C1orf198: variants seen among roughly 807,000 people sequenced by gnomAD.
C1orf198 encodes the protein uncharacterized protein C1orf198.
A neutral mutation model predicts 31.4 loss-of-function variants in C1orf198; 17 were observed. That is an observed-to-expected ratio of 0.54 (90% CI 0.37 to 0.81). The LOEUF (loss-of-function observed/expected upper bound fraction) is 0.81, where lower values mean the gene tolerates loss of function less well. Ranked by LOEUF, C1orf198 falls within the 40% of genes least tolerant of loss-of-function variation. C1orf198 has a pLI of 0.00. For synonymous variants in C1orf198, 175 were observed against 193.8 expected (o/e 0.90, Z 0.81); for missense variants, 401 against 450.3 (o/e 0.89, Z 0.99).
chr1:230,866,135 A>G (rs756714362), intron 1 of C1orf198, among the ~76,000 whole-genome samples: 5 of 152,224 alleles, frequency 3.3e-5, no homozygotes, highest in Non-Finnish European at 7.3e-5. Flanking sequence ...GCCCTCCTCC[A>G]TGAATGATCT....
chr1:230,858,517 C>G (rs765766152), intron 1 of C1orf198, among the ~76,000 whole-genome samples: 2 of 152,176 alleles, frequency 1.3e-5, no homozygotes, highest in Non-Finnish European at 2.9e-5. Flanking sequence ...GGAGGAAGAA[C>G]CGGCCATCCA....
chr1:230,845,852 A>G (rs932514800), intron 2 of C1orf198, among the ~76,000 whole-genome samples: 42 of 152,156 alleles, frequency 2.8e-4, no homozygotes, highest in Admixed American at 6.5e-5. Context: ...TTTCTATGTA[A>G]CCATTTTCAT....
At position 230,843,303 on chromosome 1, in the gene C1orf198, G is replaced by T. The variant is rs139054283; in HGVS notation, c.927+51C>A. The T allele has an allele frequency of 6.5e-7, 1 of 1,534,354 alleles. No homozygotes were observed. The highest frequency in any genetic ancestry group is 8.8e-7 in the Non-Finnish European group (1 of 1,137,882). ...TTTGTGGGGGACCCTCTCGGTTCCCGTGGAATAAGGCACCATCCCATCTGA... is the reference window on the plus strand; with the variant it reads ...TTTGTGGGGGACCCTCTCGGTTCCCTTGGAATAAGGCACCATCCCATCTGA... On this transcript the variant is annotated intron_variant, in intron 3 of 3. Coordinates refer to ENST00000366663, the MANE Select transcript of C1orf198 (RefSeq NM_032800.3). The surrounding 1 kb of genome is among the most constrained non-coding windows in gnomAD (Gnocchi z 4.9).
intron 1 of C1orf198, among the ~76,000 whole-genome samples, chr1:230,864,919 G>A (rs187539133): frequency 2.6e-5 from 4 of 152,224 alleles, no homozygotes; most frequent in Non-Finnish European, 4.4e-5. Context: ...AAGCAAACAG[G>A]GTGATCCCTC....
In C1orf198 at chr1:230,843,933, G is replaced by C; in HGVS notation, c.385-37C>G. On this transcript the variant is annotated intron_variant, in intron 2 of 3. Coordinates refer to ENST00000366663, the MANE Select transcript of C1orf198 (RefSeq NM_032800.3). This position sits in a 1 kb window ranked among gnomAD's most constrained non-coding sequence, Gnocchi z 4.9. The stretch of plus-strand genomic sequence containing the variant: ...CATGAGAAAGGACAGAAAAAAGAAA[G>C]AGATCCTGAGAATCGACCGTCACAA... 1 of 1,492,392 alleles carries C rather than the reference G, an allele frequency of 6.7e-7. No homozygotes were observed. Among genetic ancestry groups the C allele is most frequent in the Non-Finnish European group, 8.9e-7 (1 of 1,126,598 alleles). The allele number at this position is 1,492,392 out of a possible 1,614,324, so 92.4% of individuals were successfully genotyped here.
chr1:230,845,689 AT>A (rs112765722), intron 2 of C1orf198, among the ~76,000 whole-genome samples: 11,286 of 151,878 alleles, frequency 0.074, 1,335 homozygotes, highest in African/African-American at 0.26. Flanking sequence ...ATTTCAAAAA[AT>A]AAAAGAAAAG....
chr1:230,862,214 G>T (rs944562302), intron 1 of C1orf198, among the ~76,000 whole-genome samples: 1 of 152,312 alleles, frequency 6.6e-6, no homozygotes, highest in Admixed American at 6.5e-5. Flanking sequence ...TGACAACACT[G>T]GTTGTTGTCA....
chr1:230,850,538 G>A (rs905313584), intron 2 of C1orf198, among the ~76,000 whole-genome samples: 3 of 152,202 alleles, frequency 2.0e-5, no homozygotes, highest in African/African-American at 7.2e-5. Flanking sequence ...AACAGAGCCT[G>A]TGGGATGGCA....
intron 1 of C1orf198, among the ~76,000 whole-genome samples, chr1:230,861,859 G>A (rs944614225): frequency 6.6e-6 from 1 of 152,174 alleles, no homozygotes; most frequent in Non-Finnish European, 1.5e-5. Context: ...CTTGGAACAC[G>A]GCAACACGCG....
Position 230,857,650 on chromosome 1 carries a change from G to A in C1orf198, c.334-1932C>T, listed in dbSNP as rs1367246667. 6.6e-6 allele frequency among the ~76,000 whole-genome samples: 1 copy of A among 152,188 alleles called. No homozygotes were observed. Among genetic ancestry groups the A allele is most frequent in the Non-Finnish European group, 1.5e-5 (1 of 68,046 alleles). On this transcript the variant is annotated intron_variant, in intron 1 of 3. Coordinates refer to ENST00000366663, the MANE Select transcript of C1orf198 (RefSeq NM_032800.3). This position sits in a 1 kb window ranked among gnomAD's most constrained non-coding sequence, Gnocchi z 4.2. ...ATAAAGAGCAAGGAAAACCCAGAGA[G>A]GAGACTGTCAAAAGGCCAGAATCCA...
In C1orf198 at chr1:230,843,762, G is replaced by C. The variant is rs1669513454; in HGVS notation, c.519C>G (p.Ser173=). 2.5e-6 allele frequency: 4 copies of C among 1,613,580 alleles called. No individual in the cohort carries two copies. The East Asian group carries it at 6.7e-5, about 27-fold the overall frequency. Residue 173 remains serine (S), a synonymous_variant, in exon 3 of 4, where the codon TCC becomes TCG. Coordinates refer to ENST00000366663, the MANE Select transcript of C1orf198 (RefSeq NM_032800.3). This position sits in a 1 kb window ranked among gnomAD's most constrained non-coding sequence, Gnocchi z 4.9. The part of the protein sequence containing the change: ...QALKSSQGSR[S]SSLDALGPTR... ...TGGGGCCCAGGGCGTCCAGGCTGGA[G>C]GACCTGCTGCCTTGGGAGGACTTGA...
intron 1 of C1orf198, among the ~76,000 whole-genome samples, chr1:230,856,932 G>A (rs925116097): frequency 6.6e-6 from 1 of 152,156 alleles, no homozygotes; most frequent in Non-Finnish European, 1.5e-5. Context: ...AACCAGTTCT[G>A]CCCACAGACC....
At position 230,843,686 on chromosome 1, in the gene C1orf198, G is replaced by C; in HGVS notation, c.595C>G (p.Arg199Gly). 6.2e-7 allele frequency: 1 copy of C among 1,614,084 alleles called. No individual in the cohort carries two copies. Residue 199 changes from arginine to glycine, a missense_variant, in exon 3 of 4, where the codon CGA becomes GGA. By Grantham distance (125) the Arg-to-Gly change is moderately radical. Transcript: ENST00000366663. This position sits in a 1 kb window ranked among gnomAD's most constrained non-coding sequence, Gnocchi z 4.9. ...SFWKINAERS[R>G]GEGPEAEFQS... is the part of the protein sequence containing the mutation. ...AACTCGGCCTCAGGCCCCTCCCCTC[G>C]GGACCGCTCAGCATTGATCTTCCAG...
At chr1:230,861,072 G>A (rs974359821) in intron 1 of C1orf198, among the ~76,000 whole-genome samples, 5 of 152,192 alleles carry the variant, frequency 3.3e-5, no homozygotes, top group South Asian at 2.1e-4. Flanking sequence ...CCTGGGGGGC[G>A]GGAGGCATGA....
chr1:230,863,408 G>T (rs1670042400), intron 1 of C1orf198, among the ~76,000 whole-genome samples: 1 of 152,212 alleles, frequency 6.6e-6, no homozygotes, highest in Non-Finnish European at 1.5e-5. Flanking sequence ...TTCAGAAGAA[G>T]AAGAAGAAGA....
At chr1:230,855,978 T>C in intron 1 of C1orf198, 2 of 1,282,488 alleles carry the variant, frequency 1.6e-6, no homozygotes, top group Admixed American at 3.6e-5. Flanking sequence ...GGCCCCCCAA[T>C]GGACTCAGAC....
intron 2 of C1orf198, among the ~76,000 whole-genome samples, chr1:230,850,214 G>T (rs1669705295): frequency 6.6e-6 from 1 of 152,226 alleles, no homozygotes; most frequent in South Asian, 2.1e-4. Flanking sequence ...CGGTAACAGG[G>T]AAGAGGGTAA....
At position 230,839,472 on chromosome 1, in the gene C1orf198, G is replaced by A. The variant is rs1353822345; in HGVS notation, c.*380C>T. 2 of 215,400 alleles carry A rather than the reference G, an allele frequency of 9.3e-6. No homozygotes were observed. Among genetic ancestry groups the A allele is most frequent in the Admixed American group, 1.3e-4 (2 of 15,704 alleles). 13.3% of individuals were successfully genotyped at this position (215,400 alleles called of 1,614,324 possible). A position where few individuals can be genotyped will look rare whatever the true frequency, so the allele number is the denominator to read the frequency against. On this transcript the variant is annotated 3_prime_UTR_variant, in exon 4 of 4. Coordinates refer to ENST00000366663, the MANE Select transcript of C1orf198 (RefSeq NM_032800.3). ...AACCCATACGGTAAAAAGCGGAGGG[G>A]GGAGGGGGAATAATGGAGAAGGAGA...
chr1:230,854,051 A>T (rs1324912967), intron 2 of C1orf198, among the ~76,000 whole-genome samples: 2 of 152,240 alleles, frequency 1.3e-5, no homozygotes, highest in African/African-American at 4.8e-5. Context: ...TGATTCAGGA[A>T]CATTTAACAA....
Sources: allele counts gnomAD v4.1 joint callset (sites outside exome capture counted in the v4.1 genomes callset), GRCh38; gene constraint gnomAD v4.1.1; non-coding constraint Gnocchi (gnomAD v3.1); transcripts MANE v1.5; gene names NCBI Gene and HGNC (gene_info 2026-07-23, HGNC 2026-07-21).